OPTN: variants seen among roughly 807,000 people sequenced by gnomAD.
OPTN encodes optineurin, also known as E3-14.7K-interacting protein.
OPTN carries 54 observed loss-of-function variants against 70.4 expected under a neutral mutation model. The ratio of observed to expected loss-of-function variants is 0.77; its 90% CI spans 0.62 to 0.96. OPTN has a LOEUF of 0.96. OPTN is among the 40% of genes least tolerant of loss of function. The pLI, the probability that OPTN is intolerant of heterozygous loss-of-function variation, is 0.00. For missense variants in OPTN, 624 were observed against 673.2 expected (o/e 0.93, Z 0.81); for synonymous variants, 256 against 248.5 (o/e 1.03, Z -0.28).
At chr10:13,117,943 A>T (rs1014890870) in intron 6 of OPTN, among the ~76,000 whole-genome samples, 2 of 152,200 alleles carry the variant, frequency 1.3e-5, no homozygotes, top group African/African-American at 4.8e-5. Context: ...TTGGTTAACA[A>T]TTCTTCACGT....
At chr10:13,129,670 C>T (rs1455415030) in intron 12 of OPTN, among the ~76,000 whole-genome samples, 1 of 152,130 alleles carries the variant, frequency 6.6e-6, no homozygotes, top group African/African-American at 2.4e-5. Flanking sequence ...GAGTTATGTC[C>T]ATTTCTCAGT....
chr10:13,112,471 A>G lies in OPTN; in HGVS notation c.388A>G (p.Arg130Gly). The G allele has an allele frequency of 6.2e-7, 1 of 1,613,990 alleles. No homozygotes were observed. Among genetic ancestry groups the G allele is most frequent in the African/African-American group, 1.3e-5 (1 of 74,974 alleles). ...RSSEDPTDDS[R>G]LPRAEAEQEK... ...TCTCCAGGACCCCACTGATGACTCCAGGCTTCCCAGGGCCGAAGCGGAGCA... is the reference window on the plus strand; with the variant it reads ...TCTCCAGGACCCCACTGATGACTCCGGGCTTCCCAGGGCCGAAGCGGAGCA... The change falls in exon 5 of 15, where the codon AGG (arginine) becomes GGG (glycine). Residue 130 changes from arginine (R) to glycine (G), a missense_variant. Physicochemically the swap from Arg to Gly is moderately radical, Grantham distance 125 (BLOSUM62 -2). Transcript: ENST00000378747.
intron 4 of OPTN, among the ~76,000 whole-genome samples, chr10:13,112,119 G>C (rs1833019939): frequency 1.3e-5 from 2 of 149,482 alleles, no homozygotes; most frequent in Non-Finnish European, 1.5e-5. Flanking sequence ...AAAGTGCTGG[G>C]ATTACAGGCG....
intron 2 of OPTN, chr10:13,108,871 TACACACACACGCAC>T (rs1314494382): frequency 1.6e-5 from 8 of 494,252 alleles, no homozygotes; most frequent in African/African-American, 1.6e-4. Context: ...TATACACCCA[TACACACACACGCAC>T]ACACACACAT....
intron 4 of OPTN, 62 bp from the exon 5 acceptor site, chr10:13,112,391 G>GA: frequency 6.6e-7 from 1 of 1,513,588 alleles, no homozygotes; most frequent in Non-Finnish European, 9.2e-7. Context: ...TTAAGGGCAT[G>GA]AGCCCATGGT....
chr10:13,110,494 T>C lies in OPTN; in HGVS notation c.369+18T>C, dbSNP rs1166988576. On this transcript the variant is annotated intron_variant, in intron 4 of 14. Transcript: ENST00000378747. ...CATCTGAGGTGAGCAGACCGATCCA[T>C]TGTGATGTTGTTTTTTTTTTTTCCC... The C allele has an allele frequency of 1.9e-6, 3 of 1,563,246 alleles. No homozygotes were observed. The highest frequency in any genetic ancestry group is 3.1e-5 in the African/African-American group (2 of 65,172).
intron 12 of OPTN, among the ~76,000 whole-genome samples, chr10:13,128,852 A>T (rs962622401): frequency 2.0e-5 from 3 of 151,932 alleles, no homozygotes; most frequent in African/African-American, 4.8e-5. Context: ...CTGGCTTTTT[A>T]AAAAAATGTA....
intron 12 of OPTN, among the ~76,000 whole-genome samples, chr10:13,129,202 A>C (rs1055362339): frequency 2.0e-5 from 3 of 152,152 alleles, no homozygotes; most frequent in Non-Finnish European, 4.4e-5. Context: ...ACTTGGCACC[A>C]TTTAAGCCAT....
intron 12 of OPTN, among the ~76,000 whole-genome samples, chr10:13,129,312 T>C (rs1029459427): frequency 6.6e-6 from 1 of 152,128 alleles, no homozygotes; most frequent in African/African-American, 2.4e-5. Context: ...TCTACTCATA[T>C]ATCTTTGCTC....
intron 6 of OPTN, 80 bp downstream of exon 6, chr10:13,116,420 T>C: frequency 4.4e-6 from 4 of 910,788 alleles, no homozygotes; most frequent in Non-Finnish European, 5.5e-6. Flanking sequence ...GGAGGTCAAA[T>C]GTTGTGACCT....
At chr10:13,109,571 A>G (rs980721502) in intron 3 of OPTN, 3 of 392,564 alleles carry the variant, frequency 7.6e-6, no homozygotes, top group Non-Finnish European at 1.4e-5. Context: ...CATGCCTGTC[A>G]TTCCATCACT....
chr10:13,128,768 C>A (rs1412635719), intron 12 of OPTN, among the ~76,000 whole-genome samples: 1 of 151,802 alleles, frequency 6.6e-6, no homozygotes, highest in Non-Finnish European at 1.5e-5. Flanking sequence ...GTCTCAAACT[C>A]CTGACCTCAG....
At chr10:13,112,837 C>T (rs1188403960) in intron 5 of OPTN, among the ~76,000 whole-genome samples, 1 of 151,860 alleles carries the variant, frequency 6.6e-6, no homozygotes, top group East Asian at 1.9e-4. Context: ...ATATTAATTA[C>T]CTTTTATGAT....
intron 5 of OPTN, among the ~76,000 whole-genome samples, chr10:13,114,404 T>C (rs1244064282): frequency 6.6e-6 from 1 of 152,058 alleles, no homozygotes; most frequent in Non-Finnish European, 1.5e-5. Flanking sequence ...CAAAGAAACT[T>C]ACCCTTCTGT....
rs113811959 is a variant in OPTN at position 13,112,572 on chromosome 10, A to G, written c.489A>G (p.Glu163=). ...EKADLLGIVS[E]LQLKLNSSGS... The stretch of plus-strand genomic sequence containing the variant: ...CAGACCTGTTGGGCATCGTGTCTGA[A>G]CTGCAGCTCAAGCTGAACTCCAGCG... Residue 163 remains glutamate, a synonymous_variant, in exon 5 of 15, where the codon GAA becomes GAG. Coordinates refer to ENST00000378747, the MANE Select transcript of OPTN (RefSeq NM_001008212.2). 1.9e-3 allele frequency: 2,996 copies of G among 1,614,118 alleles called. 3 individuals carry two copies. Among genetic ancestry groups the G allele is most frequent in the Middle Eastern group, 4.8e-3 (29 of 6,062 alleles).
intron 12 of OPTN, among the ~76,000 whole-genome samples, chr10:13,130,196 G>A (rs1376428936): frequency 1.3e-5 from 2 of 151,992 alleles, no homozygotes; most frequent in African/African-American, 4.8e-5. Context: ...GGAGGCCGAG[G>A]CAGGCAGATT....
chr10:13,123,085 T>C (rs1564363955), intron 8 of OPTN: 1 of 158,980 alleles, frequency 6.3e-6, no homozygotes, highest in African/African-American at 2.4e-5. Context: ...AAAAGGAATG[T>C]TGTCCACTTT....
intron 10 of OPTN, 103 bp from the exon 11 acceptor site, chr10:13,125,843 G>C: frequency 2.2e-6 from 2 of 895,172 alleles, no homozygotes; most frequent in South Asian, 2.9e-5. Flanking sequence ...AAAGGTAGGC[G>C]AGAAGATTTT....
At chr10:13,108,882 G>A (rs898121602) in intron 2 of OPTN, 41 of 500,266 alleles carry the variant, frequency 8.2e-5, no homozygotes, top group Middle Eastern at 1.1e-3. Context: ...ACACACACAC[G>A]CACACACACA....
Sources: allele counts gnomAD v4.1 joint callset (sites outside exome capture counted in the v4.1 genomes callset), GRCh38; gene constraint gnomAD v4.1.1; transcripts MANE v1.5; gene names NCBI Gene and HGNC (gene_info 2026-07-23, HGNC 2026-07-21).